Variants in CARS2 observed in about 807,000 individuals in gnomAD.
CARS2 encodes the protein probable cysteine--tRNA ligase, mitochondrial.
In CARS2, 52 loss-of-function variants were observed where a neutral mutation model predicts 68.8. The observed-to-expected ratio is 0.76, with a 90% CI of 0.61 to 0.95. The LOEUF is 0.95. Ranked by LOEUF, CARS2 falls within the 40% of genes least tolerant of loss-of-function variation. CARS2 has a pLI of 0.00. For synonymous variants in CARS2, 314 were observed against 303.6 expected (o/e 1.03, Z -0.36); for missense variants, 780 against 754.2 (o/e 1.03, Z -0.40).
chr13:110,647,947 C>T (rs1002751721), intron 10 of CARS2, among the ~76,000 whole-genome samples: 6 of 152,238 alleles, frequency 3.9e-5, no homozygotes, highest in Non-Finnish European at 7.3e-5. Flanking sequence ...TCTGAGTCCA[C>T]AGTCCATGCT....
At chr13:110,666,175 G>A (rs2062641516) in intron 8 of CARS2, 6 of 985,362 alleles carry the variant, frequency 6.1e-6, no homozygotes, top group Non-Finnish European at 7.2e-6. Flanking sequence ...GCTCCCTGAG[G>A]GGCGATGCCT....
At chr13:110,663,739 C>T in intron 8 of CARS2, 5 of 1,294,534 alleles carry the variant, frequency 3.9e-6, no homozygotes, top group Non-Finnish European at 4.9e-6. Flanking sequence ...CAGCCCCACA[C>T]TGAGAGCAGA....
chr13:110,679,034 T>TAAAGGGA (rs150268251), intron 6 of CARS2, among the ~76,000 whole-genome samples: 2 of 151,838 alleles, frequency 1.3e-5, no homozygotes, highest in Non-Finnish European at 2.9e-5. Context: ...CCGTTGTCCT[T>TAAAGGGA]ACCACACATG....
intron 7 of CARS2, among the ~76,000 whole-genome samples, chr13:110,674,513 T>G (rs1282258480): frequency 1.3e-5 from 2 of 152,092 alleles, no homozygotes; most frequent in East Asian, 3.8e-4. Flanking sequence ...GCTAGCCATA[T>G]GTAGAAAGCT....
At chr13:110,662,882 C>T (rs1452916990) in intron 9 of CARS2, 1 of 380,414 alleles carries the variant, frequency 2.6e-6, no homozygotes, top group Non-Finnish European at 5.2e-6. Context: ...TAAATTAAAT[C>T]TGGCTTTAAA....
rs753471369 is a variant in CARS2, at chr13:110,705,624, T to C, written c.225-53A>G. ...TGGAACATATTTGCAAGAAAGGACATTCGATTCTGAGTTATAATGATCATA... is the reference window on the plus strand; with the variant it reads ...TGGAACATATTTGCAAGAAAGGACACTCGATTCTGAGTTATAATGATCATA... On this transcript the variant is annotated intron_variant, in intron 1 of 14. Coordinates refer to ENST00000257347, the MANE Select transcript of CARS2 (RefSeq NM_024537.4). This position sits in a 1 kb window ranked among gnomAD's most constrained non-coding sequence, Gnocchi z 4.0. 1 of 1,539,898 alleles carries C rather than the reference T, an allele frequency of 6.5e-7. No homozygotes were observed. Among genetic ancestry groups the C allele is most frequent in the Admixed American group, 1.7e-5 (1 of 59,856 alleles).
chr13:110,680,890 G>C (rs1347896877), intron 6 of CARS2, among the ~76,000 whole-genome samples: 1 of 152,248 alleles, frequency 6.6e-6, no homozygotes, highest in Admixed American at 6.5e-5. Context: ...TCAGAGTTAG[G>C]GCAGTAGTTG....
chr13:110,663,646 T>G, intron 8 of CARS2, 128 bp from the exon 9 acceptor site: 7 of 1,432,118 alleles, frequency 4.9e-6, no homozygotes, highest in Non-Finnish European at 5.5e-6. Flanking sequence ...TGTATGTTGG[T>G]ATAAATCTGC....
intron 2 of CARS2, 46 bp from the exon 3 acceptor site, chr13:110,701,601 C>A: frequency 1.2e-6 from 1 of 868,104 alleles, no homozygotes; most frequent in South Asian, 1.3e-5. Context: ...ACAAAGTCAT[C>A]AGTTATCTTT....
At chr13:110,680,162 G>A (rs951328699) in intron 6 of CARS2, among the ~76,000 whole-genome samples, 9 of 58,306 alleles carry the variant, frequency 1.5e-4, no homozygotes, top group African/African-American at 4.7e-4. Context: ...GGGGGGGGGG[G>A]GGGTGGATCA....
chr13:110,709,311 C>A (rs1424118501), upstream of CARS2, among the ~76,000 whole-genome samples: 1 of 151,904 alleles, frequency 6.6e-6, no homozygotes, highest in Admixed American at 6.6e-5. Context: ...TCAGGCTGGT[C>A]TTGAACTCCC....
rs994214677 is a variant in CARS2 at position 110,665,184 on chromosome 13, C to T, written c.920-1666G>A. On this transcript the variant is annotated intron_variant, in intron 8 of 14. Coordinates refer to ENST00000257347, the MANE Select transcript of CARS2 (RefSeq NM_024537.4). The surrounding 1 kb of genome is among the most constrained non-coding windows in gnomAD (Gnocchi z 4.3). ...CTTTCCCACCACGTGCAGTGGCTCA[C>T]GCCTATAATCCCAGCACTTTGGGAG... 30 of 983,824 alleles carry T rather than the reference C, an allele frequency of 3.0e-5. No individual in the cohort carries two copies. The highest frequency in any genetic ancestry group is 3.0e-4 in the African/African-American group (17 of 57,308). 60.9% of individuals were successfully genotyped at this position (983,824 alleles called of 1,614,324 possible).
rs758863375 is a variant in CARS2, at chr13:110,677,115, A to C, written c.656-12T>G. 8.1e-6 allele frequency: 13 copies of C among 1,599,818 alleles called. No homozygotes were observed. In the Admixed American group the frequency reaches 2.2e-4, roughly 27 times the overall value. On this transcript the variant is annotated splice_polypyrimidine_tract_variant and intron_variant, in intron 6 of 14. Transcript: ENST00000257347. ...CTTGTCAGAGTCCGCTGCAGATGAC[A>C]AACGGTACATCAGTGGGAAGAAGCT...
rs1888223893 is a variant in CARS2, at chr13:110,647,038, C to T, written c.1193+63G>A. 6 of 1,487,044 alleles carry T rather than the reference C, an allele frequency of 4.0e-6. No homozygotes were observed. The South Asian group carries it at 7.7e-5, about 19-fold the overall frequency. 92.1% of individuals were successfully genotyped at this position (1,487,044 alleles called of 1,614,324 possible). On this transcript the variant is annotated intron_variant, in intron 11 of 14. Coordinates refer to ENST00000257347, the MANE Select transcript of CARS2 (RefSeq NM_024537.4). The stretch of plus-strand genomic sequence containing the variant: ...GGGCCCCTCTTCCCCTTCAAGAGCC[C>T]ACCAGCAGCACCCAGCAGGCCACAG...
At chr13:110,646,627 C>T (rs574871365) in intron 11 of CARS2, 5 of 165,228 alleles carry the variant, frequency 3.0e-5, no homozygotes, top group African/African-American at 1.2e-4. Flanking sequence ...GCTGTGGGCC[C>T]AGGCCTGTGT....
At chr13:110,683,265 T>C in intron 5 of CARS2, 131 bp from the exon 6 acceptor site, 1 of 513,934 alleles carries the variant, frequency 1.9e-6, no homozygotes, top group East Asian at 3.5e-5. Flanking sequence ...ACATATATAG[T>C]ATTTATATTT....
chr13:110,649,931 C>CTTTTTTTTTTTTTTT (rs59276783), intron 10 of CARS2, among the ~76,000 whole-genome samples: 15 of 73,144 alleles, frequency 2.1e-4, no homozygotes, highest in African/African-American at 7.3e-4. Flanking sequence ...TGGATAACGA[C>CTTTTTTTTTTTTTTT]TTTTTTTTTT....
intron 3 of CARS2, among the ~76,000 whole-genome samples, chr13:110,693,423 A>G (rs1000775738): frequency 2.0e-5 from 3 of 151,784 alleles, no homozygotes; most frequent in Non-Finnish European, 4.4e-5. Context: ...GCAGTGGCGC[A>G]ATCTCGGCTC....
rs551307362 is a variant in CARS2 at position 110,712,425 on chromosome 13, G to C, written n.399+712C>G. ...CCGGAGGGGACCCGCGGCGGCCGCA[G>C]CGGGGCGGAGGCCGAAGCCGAGGCC... is the stretch of plus-strand genomic sequence containing the variant. On this transcript the variant is annotated intron_variant and non_coding_transcript_variant, in intron 1 of 2. Coordinates refer to the CARS2 transcript ENST00000485188. 2.3e-3 allele frequency: 427 copies of C among 188,126 alleles called. 4 individuals are homozygous for C. The highest frequency in any genetic ancestry group is 9.6e-3 in the African/African-American group (402 of 41,726). 11.7% of individuals were successfully genotyped at this position (188,126 alleles called of 1,614,324 possible). A position where few individuals can be genotyped will look rare whatever the true frequency, so the allele number is the denominator to read the frequency against.
Sources: allele counts gnomAD v4.1 joint callset (sites outside exome capture counted in the v4.1 genomes callset), GRCh38; gene constraint gnomAD v4.1.1; non-coding constraint Gnocchi (gnomAD v3.1); transcripts MANE v1.5; gene names NCBI Gene and HGNC (gene_info 2026-07-23, HGNC 2026-07-21).